Variants in ST6GALNAC3 observed in about 807,000 individuals in gnomAD.
ST6GALNAC3 encodes alpha-N-acetylgalactosaminide alpha-2,6-sialyltransferase 3.
Under a neutral mutation model 32.7 loss-of-function variants are expected in ST6GALNAC3, and 25 were observed. The ratio of observed to expected loss-of-function variants is 0.76; its 90% CI spans 0.56 to 1.07. The LOEUF is 1.07. Among genes scored for constraint, ST6GALNAC3 ranks in the 50% least tolerant of loss-of-function variants. ST6GALNAC3 has a pLI of 0.00. For missense variants in ST6GALNAC3, 355 were observed against 382.4 expected (o/e 0.93, Z 0.60); for synonymous variants, 129 against 133.1 (o/e 0.97, Z 0.21).
intron 1 of ST6GALNAC3, among the ~76,000 whole-genome samples, chr1:76,079,224 A>C (rs1457581638): frequency 1.3e-5 from 2 of 152,192 alleles, no homozygotes; most frequent in Admixed American, 1.3e-4. Flanking sequence ...CTCAAATTTG[A>C]TAGACAGGAA....
intron 3 of ST6GALNAC3, among the ~76,000 whole-genome samples, chr1:76,455,686 C>G (rs957658496): frequency 6.6e-6 from 1 of 152,168 alleles, no homozygotes; most frequent in African/African-American, 2.4e-5. Flanking sequence ...GAGAGGACTA[C>G]AGTTGCATGC....
intron 2 of ST6GALNAC3, among the ~76,000 whole-genome samples, chr1:76,369,819 G>A (rs746687195): frequency 2.6e-5 from 4 of 152,156 alleles, no homozygotes; most frequent in Non-Finnish European, 5.9e-5. Context: ...GGCAATGCTA[G>A]CTCTATAATA....
chr1:76,297,492 A>G (rs1660471614), intron 1 of ST6GALNAC3, among the ~76,000 whole-genome samples: 1 of 152,046 alleles, frequency 6.6e-6, no homozygotes, highest in Non-Finnish European at 1.5e-5. Flanking sequence ...TTTAGGATAT[A>G]GAAGGACACA....
At chr1:76,112,300 A>C (rs1167007168) in intron 1 of ST6GALNAC3, among the ~76,000 whole-genome samples, 2 of 82,864 alleles carry the variant, frequency 2.4e-5, no homozygotes, top group Non-Finnish European at 2.4e-5. Context: ...GGGGCTCCTC[A>C]CTTCCCAGTA....
chr1:76,570,825 C>A (rs1427351201), intron 3 of ST6GALNAC3, among the ~76,000 whole-genome samples: 1 of 152,000 alleles, frequency 6.6e-6, no homozygotes, highest in Non-Finnish European at 1.5e-5. Flanking sequence ...TCTCCAAGGA[C>A]TTTTTTCTTG....
chr1:76,541,983 T>TA (rs1228243361), intron 3 of ST6GALNAC3, among the ~76,000 whole-genome samples: 2 of 152,124 alleles, frequency 1.3e-5, no homozygotes, highest in Non-Finnish European at 2.9e-5. Context: ...TGGTACTTTT[T>TA]AAAAAAAATT....
intron 1 of ST6GALNAC3, among the ~76,000 whole-genome samples, chr1:76,086,677 C>G (rs1247055995): frequency 6.6e-6 from 1 of 152,156 alleles, no homozygotes; most frequent in Non-Finnish European, 1.5e-5. Context: ...TTGGTGAACT[C>G]TTAAAACCAA....
Position 76,629,328 on chromosome 1 carries a change from T to G in ST6GALNAC3, c.*522T>G. 3.0e-6 allele frequency: 3 copies of G among 985,724 alleles called. No individual in the cohort carries two copies. The highest frequency in any genetic ancestry group is 3.6e-6 in the Non-Finnish European group (3 of 830,198). The allele number at this position is 985,724 out of a possible 1,614,324, so 61.1% of individuals were successfully genotyped here. On this transcript the variant is annotated 3_prime_UTR_variant, in exon 5 of 5. Transcript: ENST00000328299. ...AGCCTAAGGATGGGAAAATATCTCTTCCTAATATACCATCTTTCTACAGTA... is the reference window on the plus strand; with the variant it reads ...AGCCTAAGGATGGGAAAATATCTCTGCCTAATATACCATCTTTCTACAGTA...
chr1:76,086,658 A>G (rs1350335521), intron 1 of ST6GALNAC3, among the ~76,000 whole-genome samples: 2 of 152,136 alleles, frequency 1.3e-5, no homozygotes, highest in African/African-American at 4.8e-5. Context: ...AACCCAAGAG[A>G]AGGGAAGCTT....
intron 2 of ST6GALNAC3, among the ~76,000 whole-genome samples, chr1:76,395,068 T>C (rs777207162): frequency 6.6e-6 from 1 of 152,230 alleles, no homozygotes; most frequent in Non-Finnish European, 1.5e-5. Flanking sequence ...GTGAGGTTGC[T>C]ACAATATTAA....
At chr1:76,341,221 A>G (rs1159554947) in intron 2 of ST6GALNAC3, among the ~76,000 whole-genome samples, 1 of 151,548 alleles carries the variant, frequency 6.6e-6, no homozygotes, top group Admixed American at 6.6e-5. Context: ...GTTTTGGTTG[A>G]CAGAGTCTGC....
At chr1:76,113,366 G>A (rs569239595) in intron 1 of ST6GALNAC3, among the ~76,000 whole-genome samples, 1 of 146,180 alleles carries the variant, frequency 6.8e-6, no homozygotes, top group Admixed American at 6.8e-5. Flanking sequence ...GAGGGGGAGG[G>A]GGAGGCCAAA....
intron 3 of ST6GALNAC3, among the ~76,000 whole-genome samples, chr1:76,416,082 TAGAATA>T (rs1254869746): frequency 6.5e-5 from 9 of 137,470 alleles, no homozygotes; most frequent in Non-Finnish European, 1.3e-4. Context: ...CACATAATCT[TAGAATA>T]AGAATAACAG....
chr1:76,269,885 A>G (rs188900649), intron 1 of ST6GALNAC3, among the ~76,000 whole-genome samples: 396 of 152,260 alleles, frequency 2.6e-3, no homozygotes, highest in Middle Eastern at 0.024. Flanking sequence ...GTTGTGACTT[A>G]GAGGGGATGC....
intron 2 of ST6GALNAC3, among the ~76,000 whole-genome samples, chr1:76,329,817 TTTA>T (rs1557792658): frequency 6.6e-6 from 1 of 151,718 alleles, no homozygotes; most frequent in African/African-American, 2.4e-5. Context: ...TATTTATTTA[TTTA>T]TTTTTTGAGA....
chr1:76,085,173 A>G (rs1329345388), intron 1 of ST6GALNAC3, among the ~76,000 whole-genome samples: 1 of 152,224 alleles, frequency 6.6e-6, no homozygotes, highest in Non-Finnish European at 1.5e-5. Context: ...ACCCATAAAT[A>G]AAGTTTTATT....
At chr1:76,590,773 C>G (rs902149528) in intron 3 of ST6GALNAC3, among the ~76,000 whole-genome samples, 6 of 152,164 alleles carry the variant, frequency 3.9e-5, no homozygotes, top group African/African-American at 1.2e-4. Context: ...TGTTTCATCC[C>G]TAACTGTGGG....
intron 1 of ST6GALNAC3, among the ~76,000 whole-genome samples, chr1:76,262,599 GA>G (rs1457895350): frequency 6.6e-6 from 1 of 152,150 alleles, no homozygotes; most frequent in Non-Finnish European, 1.5e-5. Flanking sequence ...TAGATGTAGT[GA>G]AAGCTGGAAT....
At chr1:76,475,293 A>T (rs1224738576) in intron 3 of ST6GALNAC3, among the ~76,000 whole-genome samples, 1 of 152,172 alleles carries the variant, frequency 6.6e-6, no homozygotes, top group Non-Finnish European at 1.5e-5. Context: ...TTGTCCCATC[A>T]CTTACTAACT....
Sources: allele counts gnomAD v4.1 joint callset (sites outside exome capture counted in the v4.1 genomes callset), GRCh38; gene constraint gnomAD v4.1.1; transcripts MANE v1.5; gene names NCBI Gene and HGNC (gene_info 2026-07-23, HGNC 2026-07-21).